The following SLC4A5 variants were observed in gnomAD, a reference collection of about 807,000 sequenced individuals.
SLC4A5 encodes electrogenic sodium bicarbonate cotransporter 4.
Under a neutral mutation model 120.4 loss-of-function variants are expected in SLC4A5, and 96 were observed. The observed-to-expected ratio is 0.80, with a 90% CI of 0.68 to 0.94. The LOEUF (loss-of-function observed/expected upper bound fraction) is 0.94, where lower values mean the gene tolerates loss of function less well. SLC4A5 is among the 40% of genes least tolerant of loss of function. SLC4A5 has a pLI of 0.00. For missense variants in SLC4A5, 1,259 were observed against 1,459.5 expected (o/e 0.86, Z 2.24); for synonymous variants, 550 against 571.1 (o/e 0.96, Z 0.53).
chr2:74,262,971 T>C (rs939461816), intron 10 of SLC4A5, among the ~76,000 whole-genome samples: 2 of 152,222 alleles, frequency 1.3e-5, no homozygotes, highest in African/African-American at 4.8e-5. Context: ...CTCAGAATAG[T>C]GCCCAGAATG....
intron 29 of SLC4A5, among the ~76,000 whole-genome samples, chr2:74,222,348 C>G (rs904564840): frequency 6.6e-5 from 10 of 152,130 alleles, no homozygotes; most frequent in Non-Finnish European, 4.4e-5. Context: ...GAGAATTAGT[C>G]GAGTCTGCAG....
intron 6 of SLC4A5, among the ~76,000 whole-genome samples, chr2:74,313,662 T>C (rs1672877359): frequency 2.0e-5 from 3 of 152,178 alleles, no homozygotes; most frequent in Admixed American, 2.0e-4. Flanking sequence ...CCCTTCTTCC[T>C]CCTCTCACCT....
At chr2:74,289,837 T>A (rs1449801843) in intron 7 of SLC4A5, among the ~76,000 whole-genome samples, 1 of 152,170 alleles carries the variant, frequency 6.6e-6, no homozygotes, top group African/African-American at 2.4e-5. Flanking sequence ...AAAATGTAGA[T>A]TTGATGTACC....
intron 22 of SLC4A5, among the ~76,000 whole-genome samples, chr2:74,234,630 C>T (rs944199027): frequency 6.6e-6 from 1 of 152,220 alleles, no homozygotes; most frequent in African/African-American, 2.4e-5. Flanking sequence ...GCTGGTCCCA[C>T]CCCCCAGCTT....
At chr2:74,309,822 A>AT (rs913645940) in intron 6 of SLC4A5, among the ~76,000 whole-genome samples, 79 of 145,766 alleles carry the variant, frequency 5.4e-4, no homozygotes, top group South Asian at 1.1e-3. Flanking sequence ...CGCCCGGCTA[A>AT]TTTTTTTTTT....
At chr2:74,218,357 A>AT (rs2103854755) in exon 31 of SLC4A5, 1 of 152,292 alleles carries the variant, frequency 6.6e-6, no homozygotes, top group African/African-American at 2.4e-5. Flanking sequence ...GGAAACAAGC[A>AT]TTTTTTTATT....
chr2:74,239,660 G>C (rs1347360618), intron 20 of SLC4A5, 125 bp from the exon 21 acceptor site: 39 of 874,506 alleles, frequency 4.5e-5, no homozygotes, highest in Non-Finnish European at 6.1e-5. Context: ...CAGCCCCCCA[G>C]AGTGATGTTC....
At position 74,262,221 on chromosome 2, in the gene SLC4A5, C is replaced by A. The variant is rs553682710; in HGVS notation, c.727G>T (p.Ala243Ser). ...CTCGGGCCAGCACCAGGGCTCCGGGCAGGACTGCGATCTGGGAGGAGAATC... is the reference window on the plus strand; with the variant it reads ...CTCGGGCCAGCACCAGGGCTCCGGGAAGGACTGCGATCTGGGAGGAGAATC... Residue 243 changes from alanine to serine, a missense_variant, in exon 11 of 31, where the codon GCC (alanine) becomes TCC (serine). Coordinates refer to ENST00000394019, the Ensembl canonical transcript of SLC4A5. The A allele has an allele frequency of 1.9e-6, 3 of 1,567,488 alleles. No homozygotes were observed. In the South Asian group the frequency reaches 3.5e-5, roughly 18 times the overall value.
At chr2:74,287,353 G>C (rs1408200773) in intron 7 of SLC4A5, among the ~76,000 whole-genome samples, 1 of 152,110 alleles carries the variant, frequency 6.6e-6, no homozygotes, top group African/African-American at 2.4e-5. Flanking sequence ...TGGTAGTGTG[G>C]TGGAATCAAA....
intron 25 of SLC4A5, among the ~76,000 whole-genome samples, chr2:74,229,362 G>A (rs778457282): frequency 4.6e-5 from 7 of 151,102 alleles, no homozygotes; most frequent in Admixed American, 1.3e-4. Flanking sequence ...CAATTCTCCC[G>A]TCTCAGCCTC....
chr2:74,239,277 T>C, intron 21 of SLC4A5, 58 bp downstream of exon 21: 1 of 1,547,248 alleles, frequency 6.5e-7, no homozygotes, highest in Non-Finnish European at 8.9e-7. Context: ...GAACCCTCTC[T>C]GGGGGACTCA....
intron 2 of SLC4A5, chr2:74,339,313 G>C (rs114959221): frequency 2.6e-5 from 4 of 152,220 alleles, no homozygotes; most frequent in Non-Finnish European, 5.9e-5. Context: ...GGGATGATCT[G>C]TGCAGCAAAC....
At chr2:74,324,578 A>G (rs1296449647) in intron 5 of SLC4A5, among the ~76,000 whole-genome samples, 2 of 152,206 alleles carry the variant, frequency 1.3e-5, no homozygotes, top group East Asian at 3.9e-4. Flanking sequence ...TAAGAAAGTA[A>G]CTCCCAATTT....
chr2:74,238,154 C>T (rs550614491), intron 21 of SLC4A5, among the ~76,000 whole-genome samples: 21 of 151,612 alleles, frequency 1.4e-4, no homozygotes, highest in East Asian at 3.9e-4. Context: ...GCATTTACGA[C>T]GGTATAAAAA....
rs1043092222 is a variant in SLC4A5 at position 74,252,048 on chromosome 2, G to A, written c.1478+131C>T. On this transcript the variant is annotated intron_variant, in intron 16 of 30. Coordinates refer to ENST00000394019, the Ensembl canonical transcript of SLC4A5. The stretch of plus-strand genomic sequence containing the variant: ...ATCCATGATGGGGTTCAAGGGCTCT[G>A]GGAGGGAAAGAAGGCAGGGGTGACC... The A allele has an allele frequency of 3.9e-5, 38 of 977,652 alleles. No homozygotes were observed. The African/African-American group carries it at 5.0e-4, about 13-fold the overall frequency. The allele number at this position is 977,652 out of a possible 1,614,324, so 60.6% of individuals were successfully genotyped here.
At chr2:74,233,842 C>T (rs1670178510) in intron 22 of SLC4A5, among the ~76,000 whole-genome samples, 1 of 152,126 alleles carries the variant, frequency 6.6e-6, no homozygotes, top group African/African-American at 2.4e-5. Context: ...CAGAGGGCAG[C>T]CAGGAGAGAG....
At chr2:74,300,765 G>A (rs1452555585) in intron 7 of SLC4A5, among the ~76,000 whole-genome samples, 2 of 152,182 alleles carry the variant, frequency 1.3e-5, no homozygotes, top group Non-Finnish European at 2.9e-5. Flanking sequence ...AAGGAGCTCT[G>A]ACATGATCCA....
At chr2:74,262,253 G>A in intron 10 of SLC4A5, 21 bp from the exon 11 acceptor site, 1 of 1,611,434 alleles carries the variant, frequency 6.2e-7, no homozygotes, top group Non-Finnish European at 8.5e-7. Context: ...AATCAGAAGG[G>A]ACTTGGCTTC....
In SLC4A5 at chr2:74,226,542, C is replaced by G. The variant is rs192551386; in HGVS notation, c.3090+415G>C. ...CTGACCCTCGTTCTTCCCCTGCCCC[C>G]CTACTTCACTATTTAGCTTTTTAAA... On this transcript the variant is annotated intron_variant, in intron 27 of 30. Coordinates refer to ENST00000394019, the Ensembl canonical transcript of SLC4A5. Among the ~76,000 whole-genome samples, 863 of 152,294 alleles carry G rather than the reference C, an allele frequency of 5.7e-3. 6 individuals carry two copies. The highest frequency in any genetic ancestry group is 8.7e-3 in the Admixed American group (133 of 15,296).
Sources: allele counts gnomAD v4.1 joint callset (sites outside exome capture counted in the v4.1 genomes callset), GRCh38; gene constraint gnomAD v4.1.1; transcripts MANE v1.5; gene names NCBI Gene and HGNC (gene_info 2026-07-23, HGNC 2026-07-21).